DGKG: variants seen among roughly 807,000 people sequenced by gnomAD.
The protein encoded by DGKG is diacylglycerol kinase gamma, also known as DAG kinase gamma.
A neutral mutation model predicts 105.3 loss-of-function variants in DGKG; 78 were observed. That is an observed-to-expected ratio of 0.74 (90% CI 0.62 to 0.89). The LOEUF (loss-of-function observed/expected upper bound fraction) is 0.89. Ranked by LOEUF, DGKG falls within the 40% of genes least tolerant of loss-of-function variation. DGKG has a pLI of 0.00. For synonymous variants in DGKG, 346 were observed against 367.1 expected (o/e 0.94, Z 0.66); for missense variants, 958 against 1,020.1 (o/e 0.94, Z 0.83).
chr3:186,210,481 A>G lies in DGKG; in HGVS notation c.1917+1314T>C, dbSNP rs1269066675. Among the ~76,000 whole-genome samples the G allele has an allele frequency of 6.6e-6, 1 of 152,212 alleles. No individual in the cohort carries two copies. Among genetic ancestry groups the G allele is most frequent in the Non-Finnish European group, 1.5e-5 (1 of 68,040 alleles). On this transcript the variant is annotated intron_variant, in intron 21 of 24. Transcript: ENST00000265022. This position sits in a 1 kb window ranked among gnomAD's most constrained non-coding sequence, Gnocchi z 5.2. The stretch of plus-strand genomic sequence containing the variant: ...CTCTGCCCTCTTACCAAGCTGGCCA[A>G]AAGTTCAGGGGATTAGCCAGATCGG...
chr3:186,293,674 C>CT (rs1402227406), intron 5 of DGKG, among the ~76,000 whole-genome samples: 1 of 152,216 alleles, frequency 6.6e-6, no homozygotes, highest in Non-Finnish European at 1.5e-5. Context: ...TAGATCTGAG[C>CT]TTGGAGACTG....
At chr3:186,354,515 G>A (rs780010751) in intron 1 of DGKG, among the ~76,000 whole-genome samples, 2 of 152,158 alleles carry the variant, frequency 1.3e-5, no homozygotes, top group African/African-American at 2.4e-5. Context: ...AACTGGGCAG[G>A]CAAGTCTGGG....
chr3:186,180,328 T>C (rs778979151), intron 22 of DGKG, among the ~76,000 whole-genome samples: 1 of 152,092 alleles, frequency 6.6e-6, no homozygotes, highest in Non-Finnish European at 1.5e-5. Flanking sequence ...ATGACAAAGC[T>C]GTGATTTCCT....
At chr3:186,201,386 G>C (rs1175216665) in intron 21 of DGKG, among the ~76,000 whole-genome samples, 1 of 152,032 alleles carries the variant, frequency 6.6e-6, no homozygotes, top group Non-Finnish European at 1.5e-5. Context: ...GACCCTTTCT[G>C]CCCTGCAGGG....
chr3:186,176,011 A>C (rs557793304), intron 22 of DGKG, among the ~76,000 whole-genome samples: 6 of 152,198 alleles, frequency 3.9e-5, no homozygotes, highest in Non-Finnish European at 7.3e-5. Flanking sequence ...GATTCAAAAA[A>C]TAAGCTCATT....
intron 1 of DGKG, among the ~76,000 whole-genome samples, chr3:186,356,148 C>T (rs969705871): frequency 2.6e-5 from 4 of 152,148 alleles, no homozygotes; most frequent in African/African-American, 9.7e-5. Context: ...TAAGTAAGTG[C>T]TGTTTAATTA....
chr3:186,167,600 T>G (rs1716609621), intron 22 of DGKG, among the ~76,000 whole-genome samples: 2 of 152,150 alleles, frequency 1.3e-5, no homozygotes, highest in Non-Finnish European at 1.5e-5. Context: ...GAATTAATGT[T>G]TAGATTGAGA....
In DGKG at chr3:186,256,185, G is replaced by T. The variant is rs147151857; in HGVS notation, c.1510+1669C>A. Among the ~76,000 whole-genome samples the T allele has an allele frequency of 6.6e-5, 10 of 152,272 alleles. No homozygotes were observed. In the East Asian group the frequency reaches 1.9e-3, roughly 29 times the overall value. ...CTCCAGAGCCCAAGGTGACAGGAGAGCGTGGGTGGCTGCTTGGCAGGGCTG... is the reference window on the plus strand; with the variant it reads ...CTCCAGAGCCCAAGGTGACAGGAGATCGTGGGTGGCTGCTTGGCAGGGCTG... On this transcript the variant is annotated intron_variant, in intron 17 of 24. Transcript: ENST00000265022.
chr3:186,158,089 A>T, intron 24 of DGKG: 14 of 452,046 alleles, frequency 3.1e-5, no homozygotes, highest in Non-Finnish European at 4.1e-5. Context: ...AATATGTTTG[A>T]TTCCTTTCTC....
chr3:186,272,260 C>A lies in DGKG; in HGVS notation c.994G>T (p.Gly332Cys). Residue 332 changes from glycine (G) to cysteine (C), a missense_variant, in exon 11 of 25, where the codon GGT (glycine) becomes TGT (cysteine). Physicochemically the swap from Gly to Cys is radical, Grantham distance 159. Transcript: ENST00000265022. ...AGGCAGTAGATGTCACCAACCTCAC[C>A]ACTCCTTTTGGCTTTTGAGTACGTT... is the stretch of plus-strand genomic sequence containing the variant. ...VKTYSKAKRS[G>C]EVMQHAWVEG... 6.2e-7 allele frequency: 1 copy of A among 1,613,040 alleles called. No individual in the cohort carries two copies. Among genetic ancestry groups the A allele is most frequent in the Non-Finnish European group, 8.5e-7 (1 of 1,179,030 alleles).
intron 20 of DGKG, among the ~76,000 whole-genome samples, chr3:186,241,486 G>A (rs1720682615): frequency 6.6e-6 from 1 of 152,066 alleles, no homozygotes; most frequent in Non-Finnish European, 1.5e-5. Flanking sequence ...CTGGGAGGAG[G>A]AGGTTGCAGT....
At chr3:186,347,516 G>A (rs1322253381) in intron 1 of DGKG, among the ~76,000 whole-genome samples, 1 of 150,710 alleles carries the variant, frequency 6.6e-6, no homozygotes, top group Non-Finnish European at 1.5e-5. Context: ...GTTTGACCTG[G>A]CTTCTATCAT....
intron 22 of DGKG, among the ~76,000 whole-genome samples, chr3:186,179,304 T>C (rs1717246903): frequency 6.6e-6 from 1 of 152,222 alleles, no homozygotes; most frequent in Admixed American, 6.5e-5. Context: ...GCTGAGTCGT[T>C]GCATCAGAGA....
chr3:186,313,002 G>A (rs1409457846), intron 2 of DGKG, among the ~76,000 whole-genome samples: 3 of 152,228 alleles, frequency 2.0e-5, no homozygotes, highest in Non-Finnish European at 4.4e-5. Flanking sequence ...ATTCAAGAAA[G>A]ATCTATTGAA....
At chr3:186,241,196 G>A (rs956210044) in intron 20 of DGKG, among the ~76,000 whole-genome samples, 1 of 152,088 alleles carries the variant, frequency 6.6e-6, no homozygotes, top group Non-Finnish European at 1.5e-5. Flanking sequence ...ACAAAGAGTA[G>A]GAATGAAAAT....
At chr3:186,312,585 G>C (rs1466560103) in intron 2 of DGKG, among the ~76,000 whole-genome samples, 1 of 152,212 alleles carries the variant, frequency 6.6e-6, no homozygotes, top group Non-Finnish European at 1.5e-5. Flanking sequence ...ACCATAAGTG[G>C]TGGGCAGGGG....
chr3:186,291,645 TAGAG>T (rs562086880), intron 5 of DGKG, among the ~76,000 whole-genome samples: 1 of 150,300 alleles, frequency 6.7e-6, no homozygotes, highest in Non-Finnish European at 1.5e-5. Context: ...CCCAAAAGAG[TAGAG>T]AGTGTATGAT....
chr3:186,222,009 G>A (rs1265739847), intron 20 of DGKG, among the ~76,000 whole-genome samples: 1 of 152,216 alleles, frequency 6.6e-6, no homozygotes, highest in South Asian at 2.1e-4. Flanking sequence ...GCGCTCTTTT[G>A]ATCCTCACGT....
At chr3:186,298,758 G>A (rs1350452893) in intron 3 of DGKG, among the ~76,000 whole-genome samples, 4 of 152,192 alleles carry the variant, frequency 2.6e-5, no homozygotes, top group Non-Finnish European at 4.4e-5. Context: ...TGATGCCTGA[G>A]TATTCAGGTC....
Sources: allele counts gnomAD v4.1 joint callset (sites outside exome capture counted in the v4.1 genomes callset), GRCh38; gene constraint gnomAD v4.1.1; non-coding constraint Gnocchi (gnomAD v3.1); transcripts MANE v1.5; gene names NCBI Gene and HGNC (gene_info 2026-07-23, HGNC 2026-07-21).